Variants in GTF2IRD2B observed in about 807,000 individuals in gnomAD.
GTF2IRD2B encodes GTF2I repeat domain containing 2B, also known as general transcription factor II-I repeat domain-containing protein 2B.
In GTF2IRD2B, 10 loss-of-function variants were observed where a neutral mutation model predicts 55.6. The observed-to-expected ratio is 0.18, with a 90% CI of 0.11 to 0.31. GTF2IRD2B has a LOEUF of 0.31. Among genes scored for constraint, GTF2IRD2B ranks in the 10% least tolerant of loss-of-function variants. The probability of loss-of-function intolerance (pLI) is 1.00; values close to 1 mark genes in which losing one functional copy is unlikely to be tolerated. For synonymous variants in GTF2IRD2B, 107 were observed against 320.5 expected, an observed-to-expected ratio of 0.33 and a Z score of 7.12; for missense variants, 206 against 802.7, an observed-to-expected ratio of 0.26 and a Z score of 8.98.
chr7:75,106,878 T>C (rs2115709727), intron 1 of GTF2IRD2B, among the ~76,000 whole-genome samples: 1 of 141,682 alleles, frequency 7.1e-6, no homozygotes, highest in African/African-American at 2.5e-5. Flanking sequence ...TGAGCCATGA[T>C]TGTGCCACTG....
intron 1 of GTF2IRD2B, among the ~76,000 whole-genome samples, chr7:75,102,578 G>C (rs1807611506): frequency 6.6e-6 from 1 of 151,412 alleles, no homozygotes; most frequent in Non-Finnish European, 1.5e-5. Flanking sequence ...AGGATGGCTT[G>C]AGTCCAGGAG....
chr7:75,104,431 C>T (rs1436616616), intron 1 of GTF2IRD2B, among the ~76,000 whole-genome samples: 7 of 151,370 alleles, frequency 4.6e-5, no homozygotes, highest in Non-Finnish European at 1.0e-4. Context: ...TTTCTTAATA[C>T]ACATTGAGTG....
In GTF2IRD2B at chr7:75,117,893, G is replaced by C. The variant is rs587724545; in HGVS notation, c.239-2998G>C. 6.4e-3 allele frequency among the ~76,000 whole-genome samples: 978 copies of C among 152,318 alleles called. 9 individuals carry two copies. Among genetic ancestry groups the C allele is most frequent in the Non-Finnish European group, 9.2e-3 (627 of 67,998 alleles). Reference sequence around the variant, plus strand: ...AGGCCAGGAGTTTGAAACCAGCCTGGCCAACATGGCGAAACCCCATCTGTA... The same window carrying C: ...AGGCCAGGAGTTTGAAACCAGCCTGCCCAACATGGCGAAACCCCATCTGTA... On this transcript the variant is annotated intron_variant, in intron 3 of 15. Coordinates refer to ENST00000472837, the MANE Select transcript of GTF2IRD2B (RefSeq NM_001003795.3).
At chr7:75,133,545 C>T (rs1432306519) in intron 9 of GTF2IRD2B, among the ~76,000 whole-genome samples, 1 of 139,088 alleles carries the variant, frequency 7.2e-6, no homozygotes, top group Non-Finnish European at 1.6e-5. Context: ...AATCCACATA[C>T]TCTTTTTTTT....
At chr7:75,102,211 C>T (rs1384416965) in intron 1 of GTF2IRD2B, among the ~76,000 whole-genome samples, 1 of 151,222 alleles carries the variant, frequency 6.6e-6, no homozygotes, top group South Asian at 2.1e-4. Flanking sequence ...CCAAGTTGGC[C>T]AGGATGGTCT....
In GTF2IRD2B at chr7:75,149,619, C is replaced by A. The variant is rs1171694598; in HGVS notation, c.*322C>A. ...TCTCCAACTCCTGACCTCAGGTGAT[C>A]CACCTGCCTCGACCTCACAAAGTGC... On this transcript the variant is annotated 3_prime_UTR_variant, in exon 16 of 16. Coordinates refer to ENST00000472837, the MANE Select transcript of GTF2IRD2B (RefSeq NM_001003795.3). 2 of 349,594 alleles carry A rather than the reference C, an allele frequency of 5.7e-6. No individual in the cohort carries two copies. Among genetic ancestry groups the A allele is most frequent in the African/African-American group, 4.3e-5 (2 of 46,092 alleles). 21.7% of individuals were successfully genotyped at this position (349,594 alleles called of 1,614,324 possible).
At chr7:75,133,554 T>A (rs1392288210) in intron 9 of GTF2IRD2B, among the ~76,000 whole-genome samples, 4 of 147,432 alleles carry the variant, frequency 2.7e-5, no homozygotes, top group Non-Finnish European at 5.9e-5. Context: ...ACTCTTTTTT[T>A]TTTTTTGAGA....
Position 75,103,164 on chromosome 7 carries a change from G to A in GTF2IRD2B, c.-5-5796G>A, listed in dbSNP as rs1233247272. ...CCCGGTGGCGGGTGCCTATAATCCC[G>A]GCTACTCGGGAGGCTGAGGCAGGAG... On this transcript the variant is annotated intron_variant, in intron 1 of 15. Coordinates refer to ENST00000472837, the MANE Select transcript of GTF2IRD2B (RefSeq NM_001003795.3). 4.6e-5 allele frequency among the ~76,000 whole-genome samples: 7 copies of A among 151,296 alleles called. No individual in the cohort carries two copies. The South Asian group carries it at 6.3e-4, about 14-fold the overall frequency.
chr7:75,104,616 C>G (rs1554421422), intron 1 of GTF2IRD2B, among the ~76,000 whole-genome samples: 1 of 152,278 alleles, frequency 6.6e-6, no homozygotes, highest in East Asian at 1.9e-4. Context: ...ATAAAGATTA[C>G]GAATGGAAAT....
chr7:75,105,183 G>A (rs1302783351), intron 1 of GTF2IRD2B, among the ~76,000 whole-genome samples: 2 of 152,034 alleles, frequency 1.3e-5, no homozygotes, highest in Non-Finnish European at 2.9e-5. Flanking sequence ...GCAAGATGCT[G>A]TCTCAAAACA....
intron 3 of GTF2IRD2B, among the ~76,000 whole-genome samples, chr7:75,113,472 C>CA (rs1421551879): frequency 2.1e-5 from 2 of 96,364 alleles, no homozygotes; most frequent in East Asian, 6.4e-4. Flanking sequence ...CTAAAAAATA[C>CA]AAAAAAAAAT....
At chr7:75,105,739 T>C (rs1807776395) in intron 1 of GTF2IRD2B, among the ~76,000 whole-genome samples, 1 of 152,308 alleles carries the variant, frequency 6.6e-6, no homozygotes, top group Non-Finnish European at 1.5e-5. Context: ...TTCAACCTTC[T>C]GTAACTGTCC....
intron 3 of GTF2IRD2B, among the ~76,000 whole-genome samples, chr7:75,113,954 CAG>C (rs1376869135): frequency 6.7e-6 from 1 of 149,028 alleles, no homozygotes; most frequent in South Asian, 2.1e-4. Context: ...TGTATATAGA[CAG>C]ATTAGATAAA....
At chr7:75,130,099 T>TTCTG (rs1424601529) in intron 8 of GTF2IRD2B, among the ~76,000 whole-genome samples, 1 of 96,872 alleles carries the variant, frequency 1.0e-5, no homozygotes, top group Non-Finnish European at 2.2e-5. Flanking sequence ...TTCTCTTTCT[T>TTCTG]TCTTTCTTTC....
chr7:75,127,022 A>C (rs1334512428), intron 8 of GTF2IRD2B, among the ~76,000 whole-genome samples: 12 of 98,210 alleles, frequency 1.2e-4, no homozygotes, highest in Non-Finnish European at 2.6e-4. Context: ...CAAAAACAAA[A>C]ACAAAAAAAA....
At chr7:75,126,648 C>T (rs1808519047) in intron 8 of GTF2IRD2B, among the ~76,000 whole-genome samples, 1 of 145,060 alleles carries the variant, frequency 6.9e-6, no homozygotes, top group East Asian at 2.0e-4. Flanking sequence ...CTGCAGTGAG[C>T]TGAGATGGCG....
chr7:75,102,021 G>C (rs1197712093), intron 1 of GTF2IRD2B, among the ~76,000 whole-genome samples: 81 of 150,758 alleles, frequency 5.4e-4, no homozygotes, highest in Middle Eastern at 3.4e-3. Context: ...GTTTTTTTGT[G>C]AGACGGAGTC....
intron 8 of GTF2IRD2B, among the ~76,000 whole-genome samples, chr7:75,127,238 G>T (rs1397823281): frequency 6.6e-6 from 1 of 151,372 alleles, no homozygotes; most frequent in Non-Finnish European, 1.5e-5. Flanking sequence ...CAACACCTTG[G>T]GAGGCCGAGG....
At chr7:75,104,057 A>G (rs1167277432) in intron 1 of GTF2IRD2B, among the ~76,000 whole-genome samples, 1 of 143,744 alleles carries the variant, frequency 7.0e-6, no homozygotes, top group Non-Finnish European at 1.5e-5. Context: ...CCGTCTCAAA[A>G]AAAAAAAAAA....
Sources: gnomAD v4.1 joint callset for allele counts (sites outside exome capture counted in the v4.1 genomes callset) on GRCh38, gnomAD v4.1.1 for gene constraint, MANE v1.5 for transcripts, NCBI Gene and HGNC (gene_info 2026-07-23, HGNC 2026-07-21) for gene names.